The following SLC9A9 variants were observed in gnomAD, a reference collection of about 807,000 sequenced individuals.
SLC9A9 encodes the protein solute carrier family 9 member A9.
Under a neutral mutation model 77.8 loss-of-function variants are expected in SLC9A9, and 62 were observed. The observed-to-expected ratio is 0.80, with a 90% CI of 0.65 to 0.98. The LOEUF is 0.98. Among genes scored for constraint, SLC9A9 ranks in the 50% least tolerant of loss-of-function variants. The pLI is 0.00. For synonymous variants in SLC9A9, 320 were observed against 283.5 expected, an observed-to-expected ratio of 1.13 and a Z score of -1.29; for missense variants, 775 against 774.9, an observed-to-expected ratio of 1.00 and a Z score of 0.00.
At chr3:143,528,358 A>C (rs1026844192) in intron 9 of SLC9A9, among the ~76,000 whole-genome samples, 4 of 152,254 alleles carry the variant, frequency 2.6e-5, no homozygotes, top group Admixed American at 6.5e-5. Context: ...TTGTCTGTAC[A>C]TGATAGGCCC....
intron 12 of SLC9A9, among the ~76,000 whole-genome samples, chr3:143,415,894 T>C (rs1008091340): frequency 1.3e-5 from 2 of 152,206 alleles, no homozygotes; most frequent in Non-Finnish European, 2.9e-5. Flanking sequence ...GAATGCAGCA[T>C]TCTGAATGCC....
intron 5 of SLC9A9, among the ~76,000 whole-genome samples, chr3:143,684,967 T>G (rs994723292): frequency 2.0e-5 from 3 of 152,130 alleles, no homozygotes; most frequent in African/African-American, 7.2e-5. Context: ...ATACTGTATT[T>G]GTATTTAATA....
chr3:143,392,358 TA>T (rs1307350393), intron 12 of SLC9A9, among the ~76,000 whole-genome samples: 1 of 152,128 alleles, frequency 6.6e-6, no homozygotes, highest in Non-Finnish European at 1.5e-5. Flanking sequence ...CTAAGCTTCA[TA>T]AGTGAAGGAG....
At chr3:143,744,377 C>T (rs897288958) in intron 4 of SLC9A9, among the ~76,000 whole-genome samples, 3 of 152,186 alleles carry the variant, frequency 2.0e-5, no homozygotes, top group African/African-American at 7.2e-5. Context: ...GGGAGACTGA[C>T]TCTCAAAGAG....
intron 3 of SLC9A9, among the ~76,000 whole-genome samples, chr3:143,795,281 G>GAAAAAAAAAAA (rs776525691): frequency 4.2e-5 from 3 of 72,178 alleles, no homozygotes; most frequent in African/African-American, 5.2e-5. Flanking sequence ...TCAAGAAGCA[G>GAAAAAAAAAAA]AAAAAAAAAA....
intron 2 of SLC9A9, among the ~76,000 whole-genome samples, chr3:143,811,072 G>A (rs1436886031): frequency 1.3e-5 from 2 of 152,210 alleles, no homozygotes; most frequent in Non-Finnish European, 2.9e-5. Context: ...CCCGGGGGCA[G>A]TGGACCAGAG....
At chr3:143,523,993 G>A (rs1206705521) in intron 9 of SLC9A9, among the ~76,000 whole-genome samples, 1 of 152,122 alleles carries the variant, frequency 6.6e-6, no homozygotes, top group Non-Finnish European at 1.5e-5. Flanking sequence ...GAAAGAACAG[G>A]ATTCTGTGGT....
chr3:143,440,512 T>C (rs1247768426), intron 12 of SLC9A9, among the ~76,000 whole-genome samples: 3 of 152,182 alleles, frequency 2.0e-5, no homozygotes, highest in Non-Finnish European at 4.4e-5. Flanking sequence ...AGAGATGAGA[T>C]ACAGGTCATC....
chr3:143,310,950 G>A (rs17574671), intron 14 of SLC9A9, among the ~76,000 whole-genome samples: 27,412 of 152,152 alleles, frequency 0.18, 2,759 homozygotes, highest in Admixed American at 0.25. Flanking sequence ...GAAGTCCTCA[G>A]GCCTCTCATT....
chr3:143,429,752 C>G lies in SLC9A9; in HGVS notation c.1469+37285G>C, dbSNP rs534751612. 5.0e-3 allele frequency among the ~76,000 whole-genome samples: 487 copies of G among 96,480 alleles called. 2 individuals are homozygous for G. The highest frequency in any genetic ancestry group is 0.025 in the African/African-American group (473 of 19,038). The allele number at this position is 96,480 out of a possible 152,430, so 63.3% of individuals were successfully genotyped here. A position where few individuals can be genotyped will look rare whatever the true frequency, so the allele number is the denominator to read the frequency against. ...GGGGAGGCTGAGTGTGTGTGGAGTC[C>G]TAGTCCTCAGAGCGTGTGTAGGATG... On this transcript the variant is annotated intron_variant, in intron 12 of 15. Coordinates refer to ENST00000316549, the MANE Select transcript of SLC9A9 (RefSeq NM_173653.4).
intron 4 of SLC9A9, among the ~76,000 whole-genome samples, chr3:143,762,338 A>T (rs1266568268): frequency 6.6e-6 from 1 of 152,198 alleles, no homozygotes. Context: ...CTTAAAGTAT[A>T]AAATAATAAT....
chr3:143,832,727 T>G (rs1215463675), intron 1 of SLC9A9, among the ~76,000 whole-genome samples: 2 of 148,242 alleles, frequency 1.3e-5, no homozygotes, highest in African/African-American at 2.6e-5. Context: ...TTTTTTTTTT[T>G]GCTGGCAGGT....
intron 14 of SLC9A9, among the ~76,000 whole-genome samples, chr3:143,279,521 G>T (rs183433081): frequency 6.6e-6 from 1 of 152,202 alleles, no homozygotes; most frequent in East Asian, 1.9e-4. Context: ...CCATCAACCC[G>T]TTATCTACAT....
chr3:143,613,625 G>A lies in SLC9A9; in HGVS notation c.756-34902C>T, dbSNP rs1576610660. On this transcript the variant is annotated intron_variant, in intron 6 of 15. Transcript: ENST00000316549. ...TTTTTTATAATTGGACAGCTAAATG[G>A]CTCAACTTCATCTCTTTCCTCTCTT... Among the ~76,000 whole-genome samples, 3 of 152,030 alleles carry A rather than the reference G, an allele frequency of 2.0e-5. No homozygotes were observed. The South Asian group carries it at 6.2e-4, about 32-fold the overall frequency.
At chr3:143,630,219 A>G (rs2038399068) in intron 6 of SLC9A9, among the ~76,000 whole-genome samples, 1 of 152,220 alleles carries the variant, frequency 6.6e-6, no homozygotes, top group African/African-American at 2.4e-5. Flanking sequence ...ACTGAAATAC[A>G]GAGATTTCAC....
At chr3:143,306,105 T>C (rs910434949) in intron 14 of SLC9A9, among the ~76,000 whole-genome samples, 3 of 152,164 alleles carry the variant, frequency 2.0e-5, no homozygotes, top group African/African-American at 7.2e-5. Flanking sequence ...ATATGAACAT[T>C]ATTCTCCTTA....
intron 12 of SLC9A9, among the ~76,000 whole-genome samples, chr3:143,404,619 G>A (rs980813291): frequency 6.6e-6 from 1 of 151,264 alleles, no homozygotes; most frequent in African/African-American, 2.4e-5. Context: ...CTTTATTCCT[G>A]TACAAGGGCT....
intron 1 of SLC9A9, among the ~76,000 whole-genome samples, chr3:143,842,651 C>T (rs535655063): frequency 2.0e-5 from 3 of 152,298 alleles, no homozygotes; most frequent in South Asian, 4.2e-4. Context: ...ATAAAAAATG[C>T]TTCTGCAAAC....
At chr3:143,757,626 A>G (rs1182801581) in intron 4 of SLC9A9, among the ~76,000 whole-genome samples, 5 of 152,132 alleles carry the variant, frequency 3.3e-5, no homozygotes, top group Non-Finnish European at 7.4e-5. Context: ...AAAACTAAAA[A>G]TGTCGCCTCT....
Sources: gnomAD v4.1 joint callset for allele counts (sites outside exome capture counted in the v4.1 genomes callset) on GRCh38, gnomAD v4.1.1 for gene constraint, MANE v1.5 for transcripts, NCBI Gene and HGNC (gene_info 2026-07-23, HGNC 2026-07-21) for gene names.